Variants in CACNA1A observed in about 807,000 individuals in gnomAD.
CACNA1A encodes voltage-dependent P/Q-type calcium channel subunit alpha-1A.
Under a neutral mutation model 262.4 loss-of-function variants are expected in CACNA1A, and 57 were observed. The observed-to-expected ratio is 0.22, with a 90% CI of 0.18 to 0.27. The LOEUF (loss-of-function observed/expected upper bound fraction) is 0.27, where lower values mean the gene tolerates loss of function less well. CACNA1A is among the 10% of genes least tolerant of loss of function. The pLI is 1.00. For missense variants in CACNA1A, 2,526 were observed against 3,562.8 expected, an observed-to-expected ratio of 0.71 and a Z score of 7.41; for synonymous variants, 1,431 against 1,419.3, an observed-to-expected ratio of 1.01 and a Z score of -0.18.
chr19:13,247,632 A>G (rs2056277458), intron 30 of CACNA1A, among the ~76,000 whole-genome samples: 1 of 143,780 alleles, frequency 7.0e-6, no homozygotes, highest in African/African-American at 2.6e-5. Flanking sequence ...CCTGGGAGGC[A>G]GAGCTTGCAG....
Position 13,351,087 on chromosome 19 carries a change from C to A in CACNA1A, c.978+8519G>T, listed in dbSNP as rs149751229. ...ATCCACATCCCTGGGGGATACTAAT[C>A]TTCATCATTTGGTTAAAGTGGTATC... On this transcript the variant is annotated intron_variant, in intron 6 of 46. Coordinates refer to ENST00000360228, the MANE Select transcript of CACNA1A (RefSeq NM_001127222.2). 5.1e-3 allele frequency among the ~76,000 whole-genome samples: 777 copies of A among 152,238 alleles called. 12 individuals carry two copies. The highest frequency in any genetic ancestry group is 0.018 in the African/African-American group (754 of 41,536).
At chr19:13,265,497 AC>A (rs1568475697) in intron 24 of CACNA1A, among the ~76,000 whole-genome samples, 1 of 152,084 alleles carries the variant, frequency 6.6e-6, no homozygotes, top group Non-Finnish European at 1.5e-5. Context: ...AGAACTCTGA[AC>A]CTTTTTTTTT....
At chr19:13,290,949 GT>G (rs1238556383) in intron 19 of CACNA1A, among the ~76,000 whole-genome samples, 1 of 152,148 alleles carries the variant, frequency 6.6e-6, no homozygotes, top group African/African-American at 2.4e-5. Context: ...GTTTTGTCTT[GT>G]TTTTGCTTCC....
At chr19:13,342,533 C>T (rs757041896) in intron 6 of CACNA1A, among the ~76,000 whole-genome samples, 28 of 152,142 alleles carry the variant, frequency 1.8e-4, no homozygotes, top group Middle Eastern at 3.2e-3. Context: ...ACACTGTTCC[C>T]CATTAATGCT....
rs764536379 is a variant in CACNA1A at position 13,212,546 on chromosome 19, G to A, written c.6051-24C>T. On this transcript the variant is annotated intron_variant, in intron 41 of 46. Coordinates refer to ENST00000360228, the MANE Select transcript of CACNA1A (RefSeq NM_001127222.2). The surrounding 1 kb of genome is among the most constrained non-coding windows in gnomAD (Gnocchi z 5.6). Reference sequence around the variant, plus strand: ...TCCTGCATGGGGGACAGAGGCCGGGGTAGCAGTGGGCGCTTGGGCAGCTTC... The same window carrying A: ...TCCTGCATGGGGGACAGAGGCCGGGATAGCAGTGGGCGCTTGGGCAGCTTC... The A allele has an allele frequency of 1.7e-5, 26 of 1,545,586 alleles. No individual in the cohort carries two copies. Among genetic ancestry groups the A allele is most frequent in the Non-Finnish European group, 2.2e-5 (25 of 1,141,592 alleles).
chr19:13,401,611 G>C (rs1271007632), intron 3 of CACNA1A, among the ~76,000 whole-genome samples: 1 of 152,104 alleles, frequency 6.6e-6, no homozygotes, highest in Non-Finnish European at 1.5e-5. Flanking sequence ...ATAGAATGCA[G>C]GCAGAAGTGT....
intron 35 of CACNA1A, 96 bp from the exon 36 acceptor site, chr19:13,230,305 G>T: frequency 7.3e-7 from 1 of 1,366,802 alleles, no homozygotes; most frequent in Non-Finnish European, 1.0e-6. Context: ...CGGACAGACA[G>T]ACCCAAAGAC....
intron 1 of CACNA1A, among the ~76,000 whole-genome samples, chr19:13,495,486 T>C (rs573813287): frequency 8.5e-5 from 13 of 152,212 alleles, no homozygotes; most frequent in Admixed American, 4.6e-4. Flanking sequence ...TTAGTAGAGA[T>C]GGGGCTTCAC....
Position 13,212,848 on chromosome 19 carries a change from A to ACACACT in CACNA1A, c.5941-109_5941-108insAGTGTG, listed in dbSNP as rs1491475435. 191 of 542,008 alleles carry ACACACT rather than the reference A, an allele frequency of 3.5e-4. No individual in the cohort carries two copies. Among genetic ancestry groups the ACACACT allele is most frequent in the African/African-American group, 1.0e-3 (52 of 50,994 alleles). The allele number at this position is 542,008 out of a possible 1,614,324, so 33.6% of individuals were successfully genotyped here. A position where few individuals can be genotyped will look rare whatever the true frequency, so the allele number is the denominator to read the frequency against. On this transcript the variant is annotated intron_variant, in intron 40 of 46. Coordinates refer to ENST00000360228, the MANE Select transcript of CACNA1A (RefSeq NM_001127222.2). This position sits in a 1 kb window ranked among gnomAD's most constrained non-coding sequence, Gnocchi z 5.6. ...AGTATACACACACACACACACACAC[A>ACACACT]CTCTCTCAGGTCTCATCCATCTAGA...
chr19:13,477,711 G>C (rs1256358040), intron 1 of CACNA1A, among the ~76,000 whole-genome samples: 1 of 152,222 alleles, frequency 6.6e-6, no homozygotes, highest in East Asian at 1.9e-4. Context: ...ATCTGGTTCA[G>C]TTGTTTCCTG....
chr19:13,316,283 C>CA (rs78203245), intron 11 of CACNA1A: 44,615 of 152,022 alleles, frequency 0.29, 7,113 homozygotes, highest in East Asian at 0.47. Flanking sequence ...GTTGATTCCT[C>CA]GAGCTCTTTA....
chr19:13,393,758 TTCCCTTCCCTCCCTCCC>T (rs1346511496), intron 3 of CACNA1A, among the ~76,000 whole-genome samples: 49 of 103,336 alleles, frequency 4.7e-4, no homozygotes, highest in African/African-American at 1.5e-3. Context: ...CTCCCCTTCC[TTCCCTTCCCTCCCTCCC>T]TCCCTCCTTC....
At chr19:13,376,876 AAC>A (rs1185800930) in intron 3 of CACNA1A, among the ~76,000 whole-genome samples, 2 of 141,904 alleles carry the variant, frequency 1.4e-5, no homozygotes, top group East Asian at 2.0e-4. Flanking sequence ...TGATATATAT[AAC>A]ACATGATATA....
chr19:13,339,391 C>T (rs959618399), intron 6 of CACNA1A, among the ~76,000 whole-genome samples: 8 of 151,856 alleles, frequency 5.3e-5, no homozygotes, highest in African/African-American at 7.3e-5. Flanking sequence ...ACAGGGAGTT[C>T]GCGTTTAGTG....
chr19:13,339,661 C>T (rs185270984), intron 6 of CACNA1A, among the ~76,000 whole-genome samples: 36 of 151,572 alleles, frequency 2.4e-4, no homozygotes, highest in Non-Finnish European at 3.7e-4. Context: ...TGCATTGAAA[C>T]GTCACTATGT....
chr19:13,308,611 C>G lies in CACNA1A; in HGVS notation c.1669-83G>C, dbSNP rs2057955676. ...AAGCATTTCCTAGGTACCAACCTTG[C>G]AAGAACTCAACCAAACTCCTCCCTC... On this transcript the variant is annotated intron_variant, in intron 12 of 46. Transcript: ENST00000360228. The surrounding 1 kb of genome is among the most constrained non-coding windows in gnomAD (Gnocchi z 4.2). The G allele has an allele frequency of 1.2e-6, 1 of 807,106 alleles. No homozygotes were observed. Among genetic ancestry groups the G allele is most frequent in the Admixed American group, 2.7e-5 (1 of 36,652 alleles). 50.0% of individuals were successfully genotyped at this position (807,106 alleles called of 1,614,324 possible).
rs1021645825 is a variant in CACNA1A at position 13,485,224 on chromosome 19, C to T, written c.293+20708G>A. Among the ~76,000 whole-genome samples, 5 of 152,180 alleles carry T rather than the reference C, an allele frequency of 3.3e-5. No homozygotes were observed. In the East Asian group the frequency reaches 9.6e-4, roughly 29 times the overall value. On this transcript the variant is annotated intron_variant, in intron 1 of 46. Transcript: ENST00000360228. ...GAAATTGGACCCCTACCTACCACCACATATAAAAATCAATCCCAAGCTGAT... is the reference window on the plus strand; with the variant it reads ...GAAATTGGACCCCTACCTACCACCATATATAAAAATCAATCCCAAGCTGAT...
At chr19:13,452,120 C>T (rs1042592924) in intron 3 of CACNA1A, 1 of 152,166 alleles carries the variant, frequency 6.6e-6, no homozygotes, top group Non-Finnish European at 1.5e-5. Context: ...CAGGCATGCA[C>T]CACCACACCC....
intron 18 of CACNA1A, 21 bp from the exon 19 acceptor site, chr19:13,299,374 G>C (rs775734396): frequency 1.6e-5 from 25 of 1,595,426 alleles, no homozygotes; most frequent in Non-Finnish European, 2.0e-5. Context: ...ATGGTCACAG[G>C]ACTTAGAGCA....
Sources: gnomAD v4.1 joint callset for allele counts (sites outside exome capture counted in the v4.1 genomes callset) on GRCh38, gnomAD v4.1.1 for gene constraint, Gnocchi (gnomAD v3.1) non-coding constraint, MANE v1.5 for transcripts, NCBI Gene and HGNC (gene_info 2026-07-23, HGNC 2026-07-21) for gene names.